RABGAP1L: variants seen among roughly 807,000 people sequenced by gnomAD.
RABGAP1L encodes the protein RAB GTPase activating protein 1 like.
Under a neutral mutation model 137.7 loss-of-function variants are expected in RABGAP1L, and 63 were observed. The observed-to-expected ratio is 0.46, with a 90% CI of 0.37 to 0.56. The LOEUF (loss-of-function observed/expected upper bound fraction) is 0.56. RABGAP1L is among the 20% of genes least tolerant of loss of function. RABGAP1L has a pLI of 0.00. For missense variants in RABGAP1L, 1,095 were observed against 1,244.0 expected (o/e 0.88, Z 1.80); for synonymous variants, 431 against 433.7 (o/e 0.99, Z 0.08).
At chr1:174,202,230 A>G (rs1317494231) in intron 1 of RABGAP1L, among the ~76,000 whole-genome samples, 1 of 152,068 alleles carries the variant, frequency 6.6e-6, no homozygotes, top group Non-Finnish European at 1.5e-5. Flanking sequence ...CGCTACACTG[A>G]CTTCCACAAT....
intron 14 of RABGAP1L, among the ~76,000 whole-genome samples, chr1:174,659,753 A>C (rs1676234192): frequency 6.6e-6 from 1 of 152,202 alleles, no homozygotes; most frequent in Non-Finnish European, 1.5e-5. Flanking sequence ...CAGATATCTC[A>C]AATACAGCCT....
rs1415561563 is a variant in RABGAP1L at position 174,349,369 on chromosome 1, C to G, written c.1466-21610C>G. ...GCCGGGCAGGGGGGCTGACCCCCCC[C>G]ACCTCCCTCCCGGACGGGGCGGCTG... is the stretch of plus-strand genomic sequence containing the variant. On this transcript the variant is annotated intron_variant, in intron 11 of 25. Transcript: ENST00000681986. Among the ~76,000 whole-genome samples, 6 of 132,460 alleles carry G rather than the reference C, an allele frequency of 4.5e-5. No individual in the cohort carries two copies. In the South Asian group the frequency reaches 1.3e-3, roughly 28 times the overall value. 86.9% of individuals were successfully genotyped at this position (132,460 alleles called of 152,430 possible). A position where few individuals can be genotyped will look rare whatever the true frequency, so the allele number is the denominator to read the frequency against.
intron 13 of RABGAP1L, among the ~76,000 whole-genome samples, chr1:174,479,681 T>G (rs1658887080): frequency 6.6e-6 from 1 of 152,172 alleles, no homozygotes; most frequent in South Asian, 2.1e-4. Context: ...TCTTTTCTAT[T>G]CCGTTGCTTC....
At position 174,635,026 on chromosome 1, in the gene RABGAP1L, A is replaced by T. The variant is rs917408261; in HGVS notation, c.1711-2349A>T. ...TGTGCACATGTACCCTAAAACTTAA[A>T]GTATAATAAAAAATAAAATAATAAT... On this transcript the variant is annotated intron_variant, in intron 13 of 25. Transcript: ENST00000681986. Among the ~76,000 whole-genome samples, 25 of 151,516 alleles carry T rather than the reference A, an allele frequency of 1.6e-4. 1 individual carries two copies. The East Asian group carries it at 4.8e-3, about 29-fold the overall frequency.
intron 10 of RABGAP1L, among the ~76,000 whole-genome samples, chr1:174,289,928 C>G (rs1676425769): frequency 6.6e-6 from 1 of 152,098 alleles, no homozygotes; most frequent in Non-Finnish European, 1.5e-5. Flanking sequence ...GGTAGGGATA[C>G]TGATTGGACT....
intron 11 of RABGAP1L, among the ~76,000 whole-genome samples, chr1:174,316,462 C>T (rs990432111): frequency 2.6e-5 from 4 of 152,186 alleles, no homozygotes; most frequent in African/African-American, 9.7e-5. Context: ...TCCTCAAGCC[C>T]AGTAATGCTG....
At chr1:174,887,074 G>C (rs1294007031) in intron 19 of RABGAP1L, among the ~76,000 whole-genome samples, 1 of 152,082 alleles carries the variant, frequency 6.6e-6, no homozygotes, top group East Asian at 1.9e-4. Context: ...CAAAGTGCTG[G>C]GATTATAGGC....
chr1:174,383,130 G>A (rs1468589021), intron 12 of RABGAP1L, among the ~76,000 whole-genome samples: 1 of 150,972 alleles, frequency 6.6e-6, no homozygotes, highest in Non-Finnish European at 1.5e-5. Flanking sequence ...ACCCACTTGA[G>A]GAGGCAGTCT....
intron 17 of RABGAP1L, among the ~76,000 whole-genome samples, chr1:174,711,706 G>A (rs1008192329): frequency 3.3e-5 from 5 of 152,332 alleles, no homozygotes; most frequent in South Asian, 4.1e-4. Context: ...ACGGGCTCCC[G>A]CACGCCCGAG....
intron 23 of RABGAP1L, among the ~76,000 whole-genome samples, chr1:174,981,320 C>G (rs1671083874): frequency 6.6e-6 from 1 of 152,058 alleles, no homozygotes; most frequent in Non-Finnish European, 1.5e-5. Context: ...GTGATCTCTT[C>G]TTTTTAACAT....
intron 13 of RABGAP1L, among the ~76,000 whole-genome samples, chr1:174,554,004 A>G (rs1305060542): frequency 1.3e-5 from 2 of 152,128 alleles, no homozygotes; most frequent in African/African-American, 4.8e-5. Context: ...AAAATAAAGA[A>G]GCATAGAATT....
At chr1:174,940,003 TACCA>T (rs1295711160) in intron 19 of RABGAP1L, among the ~76,000 whole-genome samples, 1 of 152,258 alleles carries the variant, frequency 6.6e-6, no homozygotes, top group Non-Finnish European at 1.5e-5. Flanking sequence ...TTGCAGTAGA[TACCA>T]ACTGTAAGTA....
At chr1:174,411,977 G>A (rs184736764) in intron 13 of RABGAP1L, among the ~76,000 whole-genome samples, 5 of 152,130 alleles carry the variant, frequency 3.3e-5, no homozygotes, top group Non-Finnish European at 7.4e-5. Flanking sequence ...AGAGTATCCC[G>A]TAGATGTTTA....
At chr1:174,570,687 A>AT (rs1360782033) in intron 13 of RABGAP1L, among the ~76,000 whole-genome samples, 2 of 152,188 alleles carry the variant, frequency 1.3e-5, no homozygotes, top group Non-Finnish European at 2.9e-5. Context: ...GAAATTATAA[A>AT]AAATAAATAA....
intron 18 of RABGAP1L, among the ~76,000 whole-genome samples, chr1:174,770,306 C>T (rs1180650370): frequency 6.6e-6 from 1 of 152,072 alleles, no homozygotes; most frequent in Admixed American, 6.5e-5. Flanking sequence ...AACACAAATA[C>T]TGGGCTTCTA....
chr1:174,540,469 T>C (rs554554117), intron 13 of RABGAP1L, among the ~76,000 whole-genome samples: 43 of 152,342 alleles, frequency 2.8e-4, no homozygotes, highest in Middle Eastern at 3.4e-3. Context: ...TTAATTTTTG[T>C]ATAAGGTATA....
At chr1:174,849,083 G>A (rs568975142) in intron 19 of RABGAP1L, among the ~76,000 whole-genome samples, 3,276 of 152,220 alleles carry the variant, frequency 0.022, 43 homozygotes, top group Middle Eastern at 0.082. Flanking sequence ...GCCCTGCTTC[G>A]GCTCGCGCAC....
chr1:174,614,443 A>G (rs1671591072), intron 13 of RABGAP1L, among the ~76,000 whole-genome samples: 1 of 152,088 alleles, frequency 6.6e-6, no homozygotes, highest in South Asian at 2.1e-4. Flanking sequence ...CTGCCGAGAG[A>G]TCTGCTGTTA....
At chr1:174,917,735 C>G (rs1051178579) in intron 19 of RABGAP1L, among the ~76,000 whole-genome samples, 1 of 151,976 alleles carries the variant, frequency 6.6e-6, no homozygotes, top group Non-Finnish European at 1.5e-5. Context: ...GAGTTCAAGA[C>G]CAGCCTGGCC....
Sources: gnomAD v4.1 joint callset for allele counts (sites outside exome capture counted in the v4.1 genomes callset) on GRCh38, gnomAD v4.1.1 for gene constraint, MANE v1.5 for transcripts, NCBI Gene and HGNC (gene_info 2026-07-23, HGNC 2026-07-21) for gene names.